The following ASIC2 variants were observed in gnomAD, a reference collection of about 807,000 sequenced individuals.
ASIC2 encodes acid-sensing ion channel 2.
Under a neutral mutation model 57.3 loss-of-function variants are expected in ASIC2, and 25 were observed. The ratio of observed to expected loss-of-function variants is 0.44; its 90% CI spans 0.32 to 0.61. The LOEUF (loss-of-function observed/expected upper bound fraction) is 0.61. Among genes scored for constraint, ASIC2 ranks in the 20% least tolerant of loss-of-function variants. The pLI, the probability that ASIC2 is intolerant of heterozygous loss-of-function variation, is 0.06. For synonymous variants in ASIC2, 319 were observed against 307.5 expected (o/e 1.04, Z -0.39); for missense variants, 641 against 738.1 (o/e 0.87, Z 1.52).
chr17:33,612,391 A>T (rs1313483747), intron 1 of ASIC2, among the ~76,000 whole-genome samples: 4 of 152,064 alleles, frequency 2.6e-5, no homozygotes, highest in African/African-American at 4.8e-5. Context: ...TTGAGAGATT[A>T]AAAAAAATGG....
intron 1 of ASIC2, among the ~76,000 whole-genome samples, chr17:33,755,406 T>C (rs954647890): frequency 3.9e-5 from 6 of 152,150 alleles, no homozygotes; most frequent in Admixed American, 2.6e-4. Context: ...TGTGTTACAA[T>C]AGCAACAGGA....
intron 1 of ASIC2, among the ~76,000 whole-genome samples, chr17:33,458,751 G>A (rs1175742016): frequency 6.6e-6 from 1 of 152,172 alleles, no homozygotes; most frequent in Non-Finnish European, 1.5e-5. Context: ...ATCTATTAAT[G>A]AAGAGATTGA....
intron 1 of ASIC2, among the ~76,000 whole-genome samples, chr17:33,708,037 G>T (rs1218784156): frequency 2.6e-5 from 4 of 152,184 alleles, no homozygotes; most frequent in Admixed American, 2.6e-4. Flanking sequence ...AAGTTCCTCT[G>T]GGTCAACTTC....
intron 1 of ASIC2, among the ~76,000 whole-genome samples, chr17:33,492,232 G>T (rs559182554): frequency 6.6e-6 from 1 of 152,330 alleles, no homozygotes; most frequent in East Asian, 1.9e-4. Flanking sequence ...ATTCCGTGTG[G>T]TGAGGGCTAT....
intron 1 of ASIC2, among the ~76,000 whole-genome samples, chr17:33,687,209 T>G (rs954515369): frequency 2.0e-5 from 3 of 152,122 alleles, no homozygotes; most frequent in Non-Finnish European, 2.9e-5. Flanking sequence ...CTGATGTGAG[T>G]TCTTTCTTCA....
chr17:33,142,587 C>G (rs957150890), intron 1 of ASIC2, among the ~76,000 whole-genome samples: 1 of 152,142 alleles, frequency 6.6e-6, no homozygotes, highest in Non-Finnish European at 1.5e-5. Flanking sequence ...GCACAGAAAG[C>G]ACAAAGAACA....
At chr17:33,332,124 G>C (rs1333175060) in intron 1 of ASIC2, among the ~76,000 whole-genome samples, 1 of 152,218 alleles carries the variant, frequency 6.6e-6, no homozygotes, top group Non-Finnish European at 1.5e-5. Flanking sequence ...AGTTGACCAA[G>C]TGGTGCCTGC....
chr17:34,017,655 A>G (rs895654724), intron 1 of ASIC2, among the ~76,000 whole-genome samples: 17 of 152,244 alleles, frequency 1.1e-4, no homozygotes, highest in African/African-American at 4.1e-4. Context: ...ATGATAAGAA[A>G]GCAAAACAGC....
chr17:33,037,412 T>G (rs2188951), intron 3 of ASIC2, among the ~76,000 whole-genome samples: 78,582 of 128,022 alleles, frequency 0.61, 24,539 homozygotes, highest in Non-Finnish European at 0.69. Flanking sequence ...TTTTTTTTTT[T>G]GCAGAGGTCA....
Position 34,014,789 on chromosome 17 carries a change from G to A in ASIC2, c.555+141189C>T, listed in dbSNP as rs115564352. Reference sequence around the variant, plus strand: ...GCATGTTGCAAGGCTTAATGGGAACGATGCATATAGAATGCTTGGCATGTG... The same window carrying A: ...GCATGTTGCAAGGCTTAATGGGAACAATGCATATAGAATGCTTGGCATGTG... On this transcript the variant is annotated intron_variant, in intron 1 of 9. Transcript: ENST00000359872. Among the ~76,000 whole-genome samples the A allele has an allele frequency of 3.2e-3, 481 of 152,294 alleles. 1 individual carries two copies. The highest frequency in any genetic ancestry group is 0.011 in the African/African-American group (449 of 41,546).
chr17:33,273,594 AGAAG>A (rs1375667490), intron 1 of ASIC2, among the ~76,000 whole-genome samples: 3 of 152,218 alleles, frequency 2.0e-5, no homozygotes, highest in Admixed American at 6.5e-5. Context: ...CCCAGTGAGG[AGAAG>A]GAAGGCCTTA....
intron 1 of ASIC2, among the ~76,000 whole-genome samples, chr17:33,815,812 TC>T: frequency 6.6e-6 from 1 of 152,296 alleles, no homozygotes; most frequent in Non-Finnish European, 1.5e-5. Flanking sequence ...TCCAATCCTC[TC>T]ATTTTACAGA....
intron 1 of ASIC2, among the ~76,000 whole-genome samples, chr17:33,511,143 G>A (rs1914420855): frequency 1.2e-5 from 1 of 85,002 alleles, no homozygotes; most frequent in Admixed American, 1.9e-4. Context: ...CCCTCCAGCT[G>A]TATGGCTGTA....
chr17:33,431,796 C>A (rs145810987), intron 1 of ASIC2, among the ~76,000 whole-genome samples: 2 of 152,146 alleles, frequency 1.3e-5, no homozygotes, highest in Non-Finnish European at 2.9e-5. Flanking sequence ...AAAACCCACA[C>A]AAAATCATCA....
intron 1 of ASIC2, among the ~76,000 whole-genome samples, chr17:34,117,698 T>C (rs946277343): frequency 6.6e-6 from 1 of 152,098 alleles, no homozygotes; most frequent in African/African-American, 2.4e-5. Context: ...ATATGTTTCT[T>C]AGATACAATT....
intron 1 of ASIC2, among the ~76,000 whole-genome samples, chr17:33,220,417 C>A (rs527929958): frequency 1.3e-5 from 2 of 152,290 alleles, no homozygotes; most frequent in Non-Finnish European, 2.9e-5. Context: ...TGCTAACCAT[C>A]CCCACTTCCC....
intron 1 of ASIC2, among the ~76,000 whole-genome samples, chr17:33,360,269 C>T (rs1378591534): frequency 6.6e-6 from 1 of 152,120 alleles, no homozygotes; most frequent in Non-Finnish European, 1.5e-5. Flanking sequence ...AATAATAGAA[C>T]AACCAGCTTG....
chr17:34,067,116 T>C (rs1909201277), intron 1 of ASIC2, among the ~76,000 whole-genome samples: 1 of 152,234 alleles, frequency 6.6e-6, no homozygotes, highest in African/African-American at 2.4e-5. Flanking sequence ...AAGCACATTG[T>C]GTCACATTTC....
chr17:33,788,974 A>G (rs1911687387), intron 1 of ASIC2, among the ~76,000 whole-genome samples: 1 of 152,198 alleles, frequency 6.6e-6, no homozygotes, highest in South Asian at 2.1e-4. Context: ...TGACACACGT[A>G]TACCTATGTA....
Sources: gnomAD v4.1 joint callset for allele counts (sites outside exome capture counted in the v4.1 genomes callset) on GRCh38, gnomAD v4.1.1 for gene constraint, MANE v1.5 for transcripts, NCBI Gene and HGNC (gene_info 2026-07-23, HGNC 2026-07-21) for gene names.